The following SUFU variants were observed in gnomAD, a reference collection of about 807,000 sequenced individuals.
SUFU encodes SUFU negative regulator of hedgehog signaling.
In SUFU, 7 loss-of-function variants were observed where a neutral mutation model predicts 58.9. The observed-to-expected ratio is 0.12, with a 90% CI of 0.07 to 0.22. The LOEUF is 0.22. Ranked by LOEUF, SUFU falls within the 10% of genes least tolerant of loss-of-function variation. SUFU has a pLI of 1.00. For missense variants in SUFU, 451 were observed against 641.3 expected (o/e 0.70, Z 3.20); for synonymous variants, 232 against 254.8 (o/e 0.91, Z 0.85).
At chr10:102,615,533 C>A in intron 9 of SUFU, 131 bp downstream of exon 9, 1 of 1,357,618 alleles carries the variant, frequency 7.4e-7, no homozygotes, top group Non-Finnish European at 1.0e-6. Context: ...CCACCAGGCC[C>A]GTGCTTCCCG....
rs139516830 is a variant in SUFU, at chr10:102,509,101, AG to A, written c.183-67del. Reference sequence around the variant, plus strand: ...TGGGTCCTTTAGGTTTACAAAGTAGAGCGCCTTAGCTTGACATTGTCTGATT... The same window carrying A: ...TGGGTCCTTTAGGTTTACAAAGTAGACGCCTTAGCTTGACATTGTCTGATT... On this transcript the variant is annotated intron_variant, in intron 1 of 11. Transcript: ENST00000369902. 198,563 of 1,609,626 alleles carry A rather than the reference AG, an allele frequency of 0.12. 16,671 individuals carry two copies. The highest frequency in any genetic ancestry group is 0.44 in the East Asian group (19,915 of 44,802).
chr10:102,597,118 C>T, intron 6 of SUFU, 22 bp from the exon 7 acceptor site: 1 of 1,613,858 alleles, frequency 6.2e-7, no homozygotes, highest in Non-Finnish European at 8.5e-7. Flanking sequence ...AGAACTCTGG[C>T]TCTTTGGTTC....
At chr10:102,584,787 T>C (rs905350764) in intron 3 of SUFU, among the ~76,000 whole-genome samples, 1 of 151,952 alleles carries the variant, frequency 6.6e-6, no homozygotes, top group African/African-American at 2.4e-5. Context: ...AGGTAAGTAA[T>C]GGTACAGATG....
chr10:102,594,169 T>C, intron 6 of SUFU, 104 bp downstream of exon 6: 1 of 1,137,474 alleles, frequency 8.8e-7, no homozygotes, highest in Non-Finnish European at 1.3e-6. Context: ...TATGTGTGAG[T>C]GAGTAGAAAT....
At chr10:102,518,029 C>T (rs1166067301) in intron 2 of SUFU, among the ~76,000 whole-genome samples, 1 of 152,194 alleles carries the variant, frequency 6.6e-6, no homozygotes, top group Non-Finnish European at 1.5e-5. Context: ...CTGGGAGCAG[C>T]TTCCTGTCTC....
chr10:102,614,288 G>A (rs551630514), intron 8 of SUFU, among the ~76,000 whole-genome samples: 3 of 152,330 alleles, frequency 2.0e-5, no homozygotes, highest in African/African-American at 7.2e-5. Flanking sequence ...AGGCACGGTG[G>A]CTCATGCCTA....
chr10:102,542,676 G>A (rs1457595981), intron 2 of SUFU, among the ~76,000 whole-genome samples: 3 of 147,762 alleles, frequency 2.0e-5, no homozygotes, highest in African/African-American at 5.0e-5. Context: ...CCAGGCTGGA[G>A]TGCAGTGGCG....
At chr10:102,605,099 A>G (rs1177559574) in intron 8 of SUFU, among the ~76,000 whole-genome samples, 1 of 151,826 alleles carries the variant, frequency 6.6e-6, no homozygotes, top group Non-Finnish European at 1.5e-5. Flanking sequence ...TTGTATTTTT[A>G]GTACAGATGG....
Position 102,506,039 on chromosome 10 carries a change from G to GGA in SUFU, c.182+1705_182+1706insGA, listed in dbSNP as rs1564655510. ...TAGCCAGACCCTAACTCTGTTATTT[G>GGA]AAAAAAAAAAAAAAAAAAAAAAAAA... On this transcript the variant is annotated intron_variant, in intron 1 of 11. Transcript: ENST00000369902. 3.7e-4 allele frequency among the ~76,000 whole-genome samples: 31 copies of GGA among 84,210 alleles called. 2 individuals are homozygous for GGA. Among genetic ancestry groups the GGA allele is most frequent in the Admixed American group, 6.5e-4 (5 of 7,656 alleles). The allele number at this position is 84,210 out of a possible 152,430, so 55.2% of individuals were successfully genotyped here. A position where few individuals can be genotyped will look rare whatever the true frequency, so the allele number is the denominator to read the frequency against.
At chr10:102,615,246 T>A (rs769750767) in intron 8 of SUFU, 22 bp from the exon 9 acceptor site, 1 of 1,613,912 alleles carries the variant, frequency 6.2e-7, no homozygotes, top group Non-Finnish European at 8.5e-7. Flanking sequence ...GTGCCGAACC[T>A]TTTCCTGTGC....
At chr10:102,511,262 A>G (rs1268120550) in intron 2 of SUFU, among the ~76,000 whole-genome samples, 1 of 152,166 alleles carries the variant, frequency 6.6e-6, no homozygotes, top group African/African-American at 2.4e-5. Flanking sequence ...TCAATTAAAA[A>G]TAAAATAAAT....
chr10:102,512,634 G>A (rs2062414790), intron 2 of SUFU, among the ~76,000 whole-genome samples: 2 of 152,182 alleles, frequency 1.3e-5, no homozygotes, highest in South Asian at 4.1e-4. Flanking sequence ...TTTATGACAA[G>A]AGTGAAACCT....
At chr10:102,505,251 G>A (rs979683908) in intron 1 of SUFU, among the ~76,000 whole-genome samples, 2 of 152,156 alleles carry the variant, frequency 1.3e-5, no homozygotes, top group African/African-American at 4.8e-5. Flanking sequence ...GGGTAGGAAT[G>A]GTCTTTTCTA....
At chr10:102,596,774 T>G (rs1413572501) in intron 6 of SUFU, among the ~76,000 whole-genome samples, 1 of 152,156 alleles carries the variant, frequency 6.6e-6, no homozygotes, top group East Asian at 1.9e-4. Context: ...CTCAGAGAAG[T>G]AGGCTCTCTC....
chr10:102,601,042 G>A (rs184503136), intron 8 of SUFU, among the ~76,000 whole-genome samples: 23 of 152,290 alleles, frequency 1.5e-4, no homozygotes, highest in Middle Eastern at 3.4e-3. Context: ...TTGGCTTCTC[G>A]CTTTGGGCCT....
intron 3 of SUFU, among the ~76,000 whole-genome samples, chr10:102,556,816 C>A (rs1230895315): frequency 2.7e-5 from 4 of 146,446 alleles, no homozygotes; most frequent in African/African-American, 1.0e-4. Flanking sequence ...GGGTGGGGCA[C>A]AGTGGCTCAT....
At chr10:102,566,315 G>T (rs2063088658) in intron 3 of SUFU, among the ~76,000 whole-genome samples, 1 of 152,138 alleles carries the variant, frequency 6.6e-6, no homozygotes, top group Non-Finnish European at 1.5e-5. Flanking sequence ...GCAGACCCTA[G>T]CATTATACAT....
intron 3 of SUFU, among the ~76,000 whole-genome samples, chr10:102,584,919 T>G (rs971656747): frequency 3.3e-5 from 5 of 152,212 alleles, no homozygotes; most frequent in African/African-American, 1.2e-4. Context: ...AAGCATCCTT[T>G]TCTCATTTGT....
chr10:102,571,564 C>T (rs1722424582), intron 3 of SUFU, among the ~76,000 whole-genome samples: 1 of 152,184 alleles, frequency 6.6e-6, no homozygotes, highest in African/African-American at 2.4e-5. Flanking sequence ...GTGGTGCACA[C>T]CTGTAATTCC....
Sources: allele counts gnomAD v4.1 joint callset (sites outside exome capture counted in the v4.1 genomes callset), GRCh38; gene constraint gnomAD v4.1.1; transcripts MANE v1.5; gene names NCBI Gene and HGNC (gene_info 2026-07-23, HGNC 2026-07-21).